CTLA4: variants seen among roughly 807,000 people sequenced by gnomAD.
CTLA4 encodes the protein cytotoxic T-lymphocyte protein 4.
A neutral mutation model predicts 20.4 loss-of-function variants in CTLA4; 3 were observed. The ratio of observed to expected loss-of-function variants is 0.15; its 90% CI spans 0.07 to 0.38. The LOEUF (loss-of-function observed/expected upper bound fraction) is 0.38, where lower values mean the gene tolerates loss of function less well. Among genes scored for constraint, CTLA4 ranks in the 10% least tolerant of loss-of-function variants. The pLI is 1.00. For synonymous variants in CTLA4, 100 were observed against 105.2 expected (o/e 0.95, Z 0.30); for missense variants, 184 against 276.8 (o/e 0.66, Z 2.38).
At chr2:203,869,082 C>T (rs1190666097) in intron 1 of CTLA4, among the ~76,000 whole-genome samples, 5 of 152,074 alleles carry the variant, frequency 3.3e-5, no homozygotes, top group Admixed American at 6.6e-5. Flanking sequence ...TGAGTGTGAC[C>T]GCATTTAGTG....
At chr2:203,869,928 G>C (rs1160658669) in intron 1 of CTLA4, among the ~76,000 whole-genome samples, 1 of 152,154 alleles carries the variant, frequency 6.6e-6, no homozygotes, top group Non-Finnish European at 1.5e-5. Context: ...GAGAGGAAGC[G>C]ACCTGGTGCC....
rs16840275 is a variant in CTLA4, at chr2:203,868,017, G to A, written c.75G>A (p.Leu25=). 6.2e-7 allele frequency: 1 copy of A among 1,613,996 alleles called. No individual in the cohort carries two copies. Among genetic ancestry groups the A allele is most frequent in the East Asian group, 2.2e-5 (1 of 44,892 alleles). The change falls in exon 1 of 4, where the codon CTG becomes CTA. Residue 25 remains leucine, a synonymous_variant. Transcript: ENST00000648405. The part of the protein sequence containing the change: ...LATRTWPCTL[L]FFLLFIPVFC... ...CCAGGACCTGGCCCTGCACTCTCCT[G>A]TTTTTTCTTCTCTTCATCCCTGTCT...
At chr2:203,871,532 T>C in intron 3 of CTLA4, 45 bp downstream of exon 3, 3 of 1,425,568 alleles carry the variant, frequency 2.1e-6, no homozygotes, top group Non-Finnish European at 3.0e-6. Context: ...GGGGATACCT[T>C]TAGTGGTATC....
At position 203,872,733 on chromosome 2, in the gene CTLA4, C is replaced by A. The variant is rs767174634; in HGVS notation, c.593C>A (p.Thr198Lys). The A allele has an allele frequency of 3.7e-6, 6 of 1,611,918 alleles. No individual in the cohort carries two copies. Among genetic ancestry groups the A allele is most frequent in the Non-Finnish European group, 5.1e-6 (6 of 1,178,030 alleles). Residue 198 changes from threonine (T) to lysine (K), a missense_variant, in exon 4 of 4, where the codon ACA becomes AAA. By Grantham distance (78) the Thr-to-Lys change is moderately conservative. Around this residue, in one of 3 missense-constraint regions of CTLA4, gnomAD observed 147 missense variants for 223.4 expected, o/e 0.66. Coordinates refer to ENST00000648405, the MANE Select transcript of CTLA4 (RefSeq NM_005214.5). Reference protein sequence around the residue: ...KMLKKRSPLTTGVYVKMPPTE... With the variant: ...KMLKKRSPLTKGVYVKMPPTE... The stretch of plus-strand genomic sequence containing the variant: ...CTAAAGAAAAGAAGCCCTCTTACAA[C>A]AGGGGTCTATGTGAAAATGCCCCCA...
rs765202021 is a variant in CTLA4 at position 203,872,851 on chromosome 2, C to T, written c.*39C>T. The T allele has an allele frequency of 6.7e-6, 9 of 1,337,846 alleles. No individual in the cohort carries two copies. The South Asian group carries it at 7.1e-5, about 11-fold the overall frequency. 82.9% of individuals were successfully genotyped at this position (1,337,846 alleles called of 1,614,324 possible). A position where few individuals can be genotyped will look rare whatever the true frequency, so the allele number is the denominator to read the frequency against. On this transcript the variant is annotated 3_prime_UTR_variant, in exon 4 of 4. Coordinates refer to ENST00000648405, the MANE Select transcript of CTLA4 (RefSeq NM_005214.5). ...AGAAGAGAGTCCATATTTCAATTTC[C>T]AAGAGCTGAGGCAATTCTAACTTTT...
chr2:203,870,185 C>T lies in CTLA4; in HGVS notation c.110-401C>T, dbSNP rs1688702656. 1 of 214,928 alleles carries T rather than the reference C, an allele frequency of 4.7e-6. No individual in the cohort carries two copies. The highest frequency in any genetic ancestry group is 1.1e-4 in the East Asian group (1 of 8,888). 13.3% of individuals were successfully genotyped at this position (214,928 alleles called of 1,614,324 possible). On this transcript the variant is annotated intron_variant, in intron 1 of 3. Transcript: ENST00000648405. The surrounding 1 kb of genome is among the most constrained non-coding windows in gnomAD (Gnocchi z 5.3). ...CCGGAGCTATATAGCTCCTATCATT[C>T]TATCATAACCTTAGAATACCAGAGA...
At chr2:203,871,266 G>C in intron 2 of CTLA4, 112 bp from the exon 3 acceptor site, 1 of 881,552 alleles carries the variant, frequency 1.1e-6, no homozygotes, top group Non-Finnish European at 1.8e-6. Flanking sequence ...GCAATTTAGG[G>C]GTGGACCTCA....
chr2:203,872,327 G>C (rs1688748178), intron 3 of CTLA4, among the ~76,000 whole-genome samples: 1 of 152,112 alleles, frequency 6.6e-6, no homozygotes, highest in South Asian at 2.1e-4. Context: ...TTTGCTGTAG[G>C]TTCAGCAGTG....
chr2:203,873,472 T>G lies in CTLA4; in HGVS notation c.*660T>G, dbSNP rs1581575738. The G allele has an allele frequency of 4.5e-6, 1 of 222,864 alleles. No individual in the cohort carries two copies. The highest frequency in any genetic ancestry group is 8.8e-6 in the Non-Finnish European group (1 of 113,260). The allele number at this position is 222,864 out of a possible 1,614,324, so 13.8% of individuals were successfully genotyped here. A position where few individuals can be genotyped will look rare whatever the true frequency, so the allele number is the denominator to read the frequency against. ...TATAAACACTATATGGCAGTGTCTT[T>G]CCACCTTGGGTCCCAGGGAAGTTTT... On this transcript the variant is annotated 3_prime_UTR_variant, in exon 4 of 4. Transcript: ENST00000648405.
At chr2:203,871,545 C>A (rs561347809) in intron 3 of CTLA4, 58 bp downstream of exon 3, 5 of 1,319,046 alleles carry the variant, frequency 3.8e-6, no homozygotes, top group Non-Finnish European at 5.5e-6. Context: ...GTGGTATCAA[C>A]TGGCCAAAAG....
At chr2:203,868,246 G>C (rs1044826398) in intron 1 of CTLA4, among the ~76,000 whole-genome samples, 195 bp downstream of exon 1, 1 of 152,214 alleles carries the variant, frequency 6.6e-6, no homozygotes, top group African/African-American at 2.4e-5. Context: ...CAAAGAGATA[G>C]CTCAGAACAG....
intron 1 of CTLA4, among the ~76,000 whole-genome samples, chr2:203,868,377 A>G (rs1247551422): frequency 6.6e-6 from 1 of 152,214 alleles, no homozygotes; most frequent in East Asian, 1.9e-4. Context: ...GGATAGCCAT[A>G]GTCCTGAATA....
intron 2 of CTLA4, 107 bp downstream of exon 2, chr2:203,871,040 A>C: frequency 2.2e-6 from 2 of 917,502 alleles, no homozygotes; most frequent in Non-Finnish European, 3.3e-6. Flanking sequence ...AGGACTGTGG[A>C]CATTCTCTTT....
At chr2:203,872,624 C>T in intron 3 of CTLA4, 84 bp from the exon 4 acceptor site, 1 of 766,072 alleles carries the variant, frequency 1.3e-6, no homozygotes, top group Non-Finnish European at 2.3e-6. Context: ...AGCTAGGGAC[C>T]CAATATGTGT....
chr2:203,872,685 C>G (rs759955092), intron 3 of CTLA4, 23 bp from the exon 4 acceptor site: 2 of 1,454,122 alleles, frequency 1.4e-6, no homozygotes, highest in Non-Finnish European at 1.9e-6. Context: ...GTAGTAATTA[C>G]TGTTTCTTTT....
intron 1 of CTLA4, 23 bp downstream of exon 1, chr2:203,868,074 G>A (rs1688661331): frequency 6.5e-7 from 1 of 1,536,890 alleles, no homozygotes; most frequent in Non-Finnish European, 9.0e-7. Context: ...TTTGGAGCAT[G>A]AAGATGGAGG....
rs1162575249 is a variant in CTLA4 at position 203,872,705 on chromosome 2, C to T, written c.568-3C>T. The T allele has an allele frequency of 2.5e-6, 4 of 1,590,482 alleles. No homozygotes were observed. The highest frequency in any genetic ancestry group is 1.1e-5 in the South Asian group (1 of 90,572). On this transcript the variant is annotated splice_region_variant and splice_polypyrimidine_tract_variant and intron_variant, in intron 3 of 3. Coordinates refer to ENST00000648405, the MANE Select transcript of CTLA4 (RefSeq NM_005214.5). ...AATTACTGTTTCTTTTTGTGTTTGA[C>T]AGCTAAAGAAAAGAAGCCCTCTTAC...
intron 3 of CTLA4, among the ~76,000 whole-genome samples, 177 bp from the exon 4 acceptor site, chr2:203,872,531 A>G (rs987925139): frequency 6.6e-6 from 1 of 152,238 alleles, no homozygotes; most frequent in East Asian, 1.9e-4. Flanking sequence ...ACAGTTATTT[A>G]TCTAAAATAA....
chr2:203,872,399 C>G (rs1249529493), intron 3 of CTLA4, among the ~76,000 whole-genome samples: 1 of 152,200 alleles, frequency 6.6e-6, no homozygotes, highest in African/African-American at 2.4e-5. Context: ...CAAGCTTGTT[C>G]CCTTGCAGAC....
Sources: gnomAD v4.1 joint callset for allele counts (sites outside exome capture counted in the v4.1 genomes callset) on GRCh38, gnomAD v4.1.1 for gene constraint, gnomAD v4.1.1 regional missense constraint, Gnocchi (gnomAD v3.1) non-coding constraint, MANE v1.5 for transcripts, NCBI Gene and HGNC (gene_info 2026-07-23, HGNC 2026-07-21) for gene names.